PTPRT: variants seen among roughly 807,000 people sequenced by gnomAD.
PTPRT encodes the protein protein tyrosine phosphatase receptor type T, also known as receptor-type tyrosine-protein phosphatase T.
PTPRT carries 56 observed loss-of-function variants against 176.8 expected under a neutral mutation model. That is an observed-to-expected ratio of 0.32 (90% CI 0.26 to 0.40). The LOEUF (loss-of-function observed/expected upper bound fraction) is 0.40, where lower values mean the gene tolerates loss of function less well. PTPRT is among the 10% of genes least tolerant of loss of function. The pLI, the probability that PTPRT is intolerant of heterozygous loss-of-function variation, is 1.00. For synonymous variants in PTPRT, 783 were observed against 739.0 expected, an observed-to-expected ratio of 1.06 and a Z score of -0.96; for missense variants, 1,540 against 1,908.2, an observed-to-expected ratio of 0.81 and a Z score of 3.60.
chr20:42,265,606 T>C (rs956555497), intron 13 of PTPRT, among the ~76,000 whole-genome samples: 3 of 152,154 alleles, frequency 2.0e-5, no homozygotes, highest in African/African-American at 7.2e-5. Flanking sequence ...CCTCTCTCCA[T>C]GAAGCATTTT....
chr20:42,508,152 T>TGTGTGTG (rs1555872023), intron 7 of PTPRT, among the ~76,000 whole-genome samples: 1 of 151,344 alleles, frequency 6.6e-6, no homozygotes, highest in African/African-American at 2.4e-5. Context: ...TGTGTGTGTA[T>TGTGTGTG]TATATTAACA....
intron 7 of PTPRT, among the ~76,000 whole-genome samples, chr20:42,615,478 T>C (rs1346247397): frequency 7.2e-6 from 1 of 138,854 alleles, no homozygotes; most frequent in Non-Finnish European, 1.5e-5. Flanking sequence ...GGTCAAATGG[T>C]ATTTCTAGTT....
intron 16 of PTPRT, among the ~76,000 whole-genome samples, chr20:42,194,058 C>G (rs569385120): frequency 7.9e-5 from 12 of 152,290 alleles, no homozygotes; most frequent in African/African-American, 2.9e-4. Flanking sequence ...TAATTAAAAA[C>G]CTACTAGCTA....
intron 27 of PTPRT, among the ~76,000 whole-genome samples, chr20:42,089,047 C>T (rs1008825151): frequency 1.3e-5 from 2 of 152,164 alleles, no homozygotes; most frequent in Admixed American, 6.5e-5. Context: ...TGATGCCTTG[C>T]TTTCCTGGCG....
chr20:42,777,652 T>A (rs2077156966), intron 4 of PTPRT, among the ~76,000 whole-genome samples: 1 of 152,196 alleles, frequency 6.6e-6, no homozygotes, highest in African/African-American at 2.4e-5. Context: ...CACTTAAGTA[T>A]CACTGTGCCT....
chr20:43,034,036 A>G (rs558709557), intron 1 of PTPRT, among the ~76,000 whole-genome samples: 11 of 152,226 alleles, frequency 7.2e-5, no homozygotes, highest in Non-Finnish European at 1.5e-4. Flanking sequence ...CATTTGCCCC[A>G]GCCACACAGC....
intron 1 of PTPRT, among the ~76,000 whole-genome samples, chr20:42,931,290 ATC>A (rs927940103): frequency 3.2e-4 from 48 of 152,168 alleles, no homozygotes; most frequent in African/African-American, 1.1e-3. Context: ...AGGGTGAGAG[ATC>A]TCTTTCTCTT....
At chr20:42,687,357 G>A (rs572449276) in intron 6 of PTPRT, 1 of 152,254 alleles carries the variant, frequency 6.6e-6, no homozygotes, top group Non-Finnish European at 1.5e-5. Context: ...AACCAGTGAA[G>A]TCATTCAGAA....
intron 1 of PTPRT, among the ~76,000 whole-genome samples, chr20:42,907,641 C>T (rs949307380): frequency 2.0e-5 from 3 of 151,992 alleles, no homozygotes; most frequent in African/African-American, 4.8e-5. Flanking sequence ...TGTCAGGGGC[C>T]GTGGCGTGAG....
chr20:43,009,207 T>TG (rs1414686423), intron 1 of PTPRT, among the ~76,000 whole-genome samples: 1 of 152,042 alleles, frequency 6.6e-6, no homozygotes, highest in Non-Finnish European at 1.5e-5. Context: ...GAACTATCAC[T>TG]GAAAAAAAAG....
chr20:42,158,714 A>G (rs1989461027), intron 17 of PTPRT, among the ~76,000 whole-genome samples: 1 of 152,248 alleles, frequency 6.6e-6, no homozygotes, highest in Admixed American at 6.5e-5. Flanking sequence ...TTATCAGGCA[A>G]TATTTTCCAA....
At chr20:42,218,850 C>T (rs1171294399) in intron 15 of PTPRT, among the ~76,000 whole-genome samples, 5 of 152,124 alleles carry the variant, frequency 3.3e-5, no homozygotes, top group East Asian at 1.9e-4. Context: ...ATGAACTGAT[C>T]GGGATGTCAA....
chr20:42,581,591 A>AT (rs1457638262), intron 7 of PTPRT, among the ~76,000 whole-genome samples: 1 of 151,658 alleles, frequency 6.6e-6, no homozygotes, highest in African/African-American at 2.4e-5. Flanking sequence ...TCACAAAGTC[A>AT]TTTTTTTAAA....
chr20:42,152,729 T>C (rs905640926), intron 17 of PTPRT, among the ~76,000 whole-genome samples: 1 of 152,202 alleles, frequency 6.6e-6, no homozygotes, highest in Non-Finnish European at 1.5e-5. Flanking sequence ...TGGTCATGCA[T>C]GAGCTTCCGG....
At chr20:42,202,312 G>A (rs1991486511) in intron 15 of PTPRT, among the ~76,000 whole-genome samples, 1 of 152,110 alleles carries the variant, frequency 6.6e-6, no homozygotes, top group South Asian at 2.1e-4. Context: ...ATAATTTGGA[G>A]AAACATGTAG....
At chr20:42,262,707 A>G (rs2056769911) in intron 13 of PTPRT, among the ~76,000 whole-genome samples, 1 of 152,212 alleles carries the variant, frequency 6.6e-6, no homozygotes, top group Non-Finnish European at 1.5e-5. Flanking sequence ...TTATTAAATC[A>G]TTCATGCATG....
chr20:42,391,595 G>C (rs1244021777), intron 9 of PTPRT, among the ~76,000 whole-genome samples: 1 of 152,142 alleles, frequency 6.6e-6, no homozygotes, highest in Non-Finnish European at 1.5e-5. Context: ...TGTAGTGATA[G>C]GGTACGCCAC....
At chr20:43,023,837 C>A (rs759092454) in intron 1 of PTPRT, among the ~76,000 whole-genome samples, 12 of 152,142 alleles carry the variant, frequency 7.9e-5, no homozygotes, top group Non-Finnish European at 1.6e-4. Flanking sequence ...CCCTTTACCC[C>A]AGATGTCTCA....
intron 4 of PTPRT, among the ~76,000 whole-genome samples, chr20:42,773,686 T>C (rs1411517188): frequency 6.6e-6 from 1 of 152,236 alleles, no homozygotes; most frequent in Non-Finnish European, 1.5e-5. Context: ...TGTATAATTT[T>C]ATGAAGTTAT....
Sources: allele counts gnomAD v4.1 joint callset (sites outside exome capture counted in the v4.1 genomes callset), GRCh38; gene constraint gnomAD v4.1.1; transcripts MANE v1.5; gene names NCBI Gene and HGNC (gene_info 2026-07-23, HGNC 2026-07-21).